The following MDGA2 variants were observed in gnomAD, a reference collection of about 807,000 sequenced individuals.
MDGA2 encodes MAM domain containing glycosylphosphatidylinositol anchor 2.
In MDGA2, 40 loss-of-function variants were observed where a neutral mutation model predicts 117.8. That is an observed-to-expected ratio of 0.34 (90% CI 0.26 to 0.44). MDGA2 has a LOEUF of 0.44. Ranked by LOEUF, MDGA2 falls within the 20% of genes least tolerant of loss-of-function variation. The pLI is 1.00. For synonymous variants in MDGA2, 452 were observed against 439.0 expected (o/e 1.03, Z -0.37); for missense variants, 1,123 against 1,250.6 (o/e 0.90, Z 1.54).
At chr14:47,037,160 G>A (rs1888884665) in intron 7 of MDGA2, among the ~76,000 whole-genome samples, 1 of 152,196 alleles carries the variant, frequency 6.6e-6, no homozygotes, top group Non-Finnish European at 1.5e-5. Flanking sequence ...GAATGGAACT[G>A]TGACACTTAT....
intron 5 of MDGA2, among the ~76,000 whole-genome samples, chr14:47,127,342 C>A (rs1881957843): frequency 6.6e-6 from 1 of 152,076 alleles, no homozygotes; most frequent in African/African-American, 2.4e-5. Flanking sequence ...TTTACAGACT[C>A]ATTTGCATGA....
At chr14:47,259,507 T>A (rs891694569) in intron 2 of MDGA2, among the ~76,000 whole-genome samples, 1 of 152,104 alleles carries the variant, frequency 6.6e-6, no homozygotes, top group Non-Finnish European at 1.5e-5. Context: ...AATGAACATA[T>A]GGGTGTTCTT....
At chr14:47,581,251 G>A (rs147071248) in intron 1 of MDGA2, among the ~76,000 whole-genome samples, 2 of 151,968 alleles carry the variant, frequency 1.3e-5, no homozygotes, top group African/African-American at 4.8e-5. Context: ...TTCTCAACAG[G>A]ATTTGAGAAT....
At chr14:47,335,734 T>TATATATATA (rs1555374518) in intron 1 of MDGA2, among the ~76,000 whole-genome samples, 8 of 48,036 alleles carry the variant, frequency 1.7e-4, no homozygotes, top group African/African-American at 2.2e-4. Flanking sequence ...CACATATATT[T>TATATATATA]TATATATATA....
At chr14:47,141,710 G>A (rs999061237) in intron 4 of MDGA2, among the ~76,000 whole-genome samples, 1 of 145,598 alleles carries the variant, frequency 6.9e-6, no homozygotes, top group African/African-American at 2.6e-5. Flanking sequence ...CATTAGCAGT[G>A]GTTAGAGAGA....
In MDGA2 at chr14:47,674,091, G is replaced by A. The variant is rs897298712; in HGVS notation, c.280+426C>T. On this transcript the variant is annotated intron_variant, in intron 1 of 16. Transcript: ENST00000399232. ...AGAAAAAGGAAAAGGTGGAGAGGAG[G>A]AGGCGGCGGGGGCGGAGAGGGGTGG... Among the ~76,000 whole-genome samples, 33 of 151,824 alleles carry A rather than the reference G, an allele frequency of 2.2e-4. 1 individual carries two copies. Among genetic ancestry groups the A allele is most frequent in the Admixed American group, 1.6e-3 (25 of 15,264 alleles).
intron 1 of MDGA2, among the ~76,000 whole-genome samples, chr14:47,324,042 G>A (rs1299068079): frequency 2.0e-5 from 3 of 151,926 alleles, no homozygotes; most frequent in African/African-American, 7.3e-5. Context: ...TCAGGAGACT[G>A]AGACCATCCT....
chr14:47,583,023 A>C (rs1214722586), intron 1 of MDGA2, among the ~76,000 whole-genome samples: 1 of 151,876 alleles, frequency 6.6e-6, no homozygotes, highest in East Asian at 1.9e-4. Flanking sequence ...ATTTCTTCTA[A>C]AGACAATCCA....
chr14:47,509,269 G>GT (rs1447234817), intron 1 of MDGA2, among the ~76,000 whole-genome samples: 1 of 152,206 alleles, frequency 6.6e-6, no homozygotes, highest in East Asian at 1.9e-4. Context: ...AGTATTGTGC[G>GT]TGAGTATATT....
chr14:47,181,001 A>G (rs925778166), intron 3 of MDGA2, among the ~76,000 whole-genome samples: 5 of 152,138 alleles, frequency 3.3e-5, no homozygotes, highest in Admixed American at 6.6e-5. Context: ...ACGATCATTT[A>G]TATACTTGGT....
chr14:47,486,095 A>G lies in MDGA2; in HGVS notation c.281-184545T>C, dbSNP rs993520529. 2.6e-5 allele frequency among the ~76,000 whole-genome samples: 4 copies of G among 152,264 alleles called. No individual in the cohort carries two copies. In the East Asian group the frequency reaches 5.8e-4, roughly 22 times the overall value. On this transcript the variant is annotated intron_variant, in intron 1 of 16. Coordinates refer to ENST00000399232, the MANE Select transcript of MDGA2 (RefSeq NM_001113498.3). ...GACAGCCTGCATCATGCGCCTGGAA[A>G]AGCTGCAGACACTCAATGGCGGTCT...
At chr14:46,990,873 CA>C (rs1887065240) in intron 8 of MDGA2, among the ~76,000 whole-genome samples, 1 of 42,450 alleles carries the variant, frequency 2.4e-5, no homozygotes, top group Admixed American at 2.8e-4. Context: ...CACCCACACA[CA>C]CACACACACA....
At chr14:47,402,675 T>C (rs1319042789) in intron 1 of MDGA2, among the ~76,000 whole-genome samples, 28 of 152,198 alleles carry the variant, frequency 1.8e-4, no homozygotes, top group Admixed American at 1.8e-3. Flanking sequence ...TTTGCATTTG[T>C]ATAGCATTAT....
chr14:47,425,162 T>A (rs1892661749), intron 1 of MDGA2, among the ~76,000 whole-genome samples: 2 of 152,126 alleles, frequency 1.3e-5, no homozygotes, highest in African/African-American at 4.8e-5. Flanking sequence ...ATTTGTGAAA[T>A]CCTTGTCCTT....
chr14:47,010,116 C>T (rs1469270232), intron 8 of MDGA2, among the ~76,000 whole-genome samples: 1 of 151,990 alleles, frequency 6.6e-6, no homozygotes, highest in Non-Finnish European at 1.5e-5. Flanking sequence ...GCATCTTTGC[C>T]TTTACTGACT....
intron 1 of MDGA2, among the ~76,000 whole-genome samples, chr14:47,645,527 C>T (rs1482181077): frequency 6.6e-6 from 1 of 151,836 alleles, no homozygotes; most frequent in African/African-American, 2.4e-5. Flanking sequence ...AGCCACCGCG[C>T]CCGGCCCAAT....
intron 1 of MDGA2, among the ~76,000 whole-genome samples, chr14:47,623,027 A>C (rs1187222498): frequency 6.6e-6 from 1 of 152,192 alleles, no homozygotes; most frequent in Admixed American, 6.5e-5. Context: ...CCAACGCAAT[A>C]GTGTTGAGAA....
chr14:47,082,111 T>C (rs1173164595), intron 6 of MDGA2, among the ~76,000 whole-genome samples: 2 of 152,138 alleles, frequency 1.3e-5, no homozygotes, highest in African/African-American at 4.8e-5. Context: ...ATCATTGTTC[T>C]TCAAATACTC....
chr14:47,581,964 T>C (rs1896237081), intron 1 of MDGA2, among the ~76,000 whole-genome samples: 1 of 151,912 alleles, frequency 6.6e-6, no homozygotes, highest in Admixed American at 6.6e-5. Context: ...AGTTCTGAAA[T>C]AAAATGGACC....
Sources: gnomAD v4.1 joint callset for allele counts (sites outside exome capture counted in the v4.1 genomes callset) on GRCh38, gnomAD v4.1.1 for gene constraint, MANE v1.5 for transcripts, NCBI Gene and HGNC (gene_info 2026-07-23, HGNC 2026-07-21) for gene names.